Variants in SENP1 observed in about 807,000 individuals in gnomAD.
SENP1 encodes the protein sentrin-specific protease 1.
A neutral mutation model predicts 93.0 loss-of-function variants in SENP1; 21 were observed. The observed-to-expected ratio is 0.23, with a 90% CI of 0.16 to 0.33. The LOEUF is 0.33. Ranked by LOEUF, SENP1 falls within the 10% of genes least tolerant of loss-of-function variation. The pLI is 1.00. For missense variants in SENP1, 591 were observed against 758.7 expected, an observed-to-expected ratio of 0.78 and a Z score of 2.60; for synonymous variants, 256 against 259.6, an observed-to-expected ratio of 0.99 and a Z score of 0.13.
intron 1 of SENP1, among the ~76,000 whole-genome samples, chr12:48,102,757 C>A (rs913196125): frequency 6.7e-6 from 1 of 149,700 alleles, no homozygotes; most frequent in Admixed American, 6.7e-5. Context: ...GCGTACGAGA[C>A]CACGCCACTG....
chr12:48,088,470 A>G (rs1217195456), intron 5 of SENP1: 1 of 287,060 alleles, frequency 3.5e-6, no homozygotes, highest in East Asian at 1.0e-4. Flanking sequence ...GCTGTAAAAT[A>G]TGTTTCTTTC....
intron 10 of SENP1, among the ~76,000 whole-genome samples, chr12:48,066,238 G>A (rs940884583): frequency 2.4e-4 from 36 of 152,052 alleles, no homozygotes; most frequent in East Asian, 1.9e-4. Context: ...AAAAATTACC[G>A]AGACCGAGGG....
At chr12:48,062,536 C>G (rs2136940544) in intron 13 of SENP1, among the ~76,000 whole-genome samples, 1 of 152,262 alleles carries the variant, frequency 6.6e-6, no homozygotes, top group Non-Finnish European at 1.5e-5. Flanking sequence ...ATGGGGCTGG[C>G]CCCAGAGAAA....
chr12:48,065,482 A>C, intron 11 of SENP1, 114 bp downstream of exon 11: 1 of 700,650 alleles, frequency 1.4e-6, no homozygotes, highest in Non-Finnish European at 2.4e-6. Context: ...ATGCTATGCT[A>C]CCATACGATC....
intron 8 of SENP1, among the ~76,000 whole-genome samples, chr12:48,071,933 A>T (rs996057166): frequency 6.6e-6 from 1 of 152,180 alleles, no homozygotes; most frequent in Non-Finnish European, 1.5e-5. Flanking sequence ...CAAATAAGAA[A>T]ATCCCTGGGA....
chr12:48,081,039 A>T (rs1455898665), intron 6 of SENP1, among the ~76,000 whole-genome samples: 2 of 152,182 alleles, frequency 1.3e-5, no homozygotes, highest in Non-Finnish European at 2.9e-5. Flanking sequence ...TGAGTGGTCC[A>T]CAGAGCTGGT....
At chr12:48,067,186 T>C (rs1210480369) in intron 9 of SENP1, among the ~76,000 whole-genome samples, 1 of 152,154 alleles carries the variant, frequency 6.6e-6, no homozygotes, top group Non-Finnish European at 1.5e-5. Flanking sequence ...TGGATACATA[T>C]TAGTTAAAAA....
chr12:48,065,749 C>G, intron 10 of SENP1, 69 bp from the exon 11 acceptor site: 1 of 966,912 alleles, frequency 1.0e-6, no homozygotes, highest in East Asian at 2.6e-5. Flanking sequence ...TTGATGTACA[C>G]TGAATATTAA....
intron 6 of SENP1, 23 bp from the exon 7 acceptor site, chr12:48,074,816 A>C (rs1292033632): frequency 6.9e-7 from 1 of 1,449,602 alleles, no homozygotes; most frequent in Admixed American, 2.0e-5. Context: ...AAAAAAAAAA[A>C]ACAGTTTAAA....
Position 48,045,364 on chromosome 12 carries a change from C to G in SENP1, c.1893G>C (p.Arg631=). 6.2e-7 allele frequency: 1 copy of G among 1,613,708 alleles called. No individual in the cohort carries two copies. The highest frequency in any genetic ancestry group is 8.5e-7 in the Non-Finnish European group (1 of 1,179,748). The change falls in exon 18 of 18, where the codon CGG becomes CGC. Residue 631 remains arginine (R), a synonymous_variant. Transcript: ENST00000549518. The stretch of plus-strand genomic sequence containing the variant: ...GGAGGATCTCCCAGACCATCCGCTT[C>G]CGGAAGTATGGCATGTGTTGCTGTA... ...NFTQQHMPYF[R]KRMVWEILHR...
intron 6 of SENP1, among the ~76,000 whole-genome samples, chr12:48,079,914 T>C (rs1296564648): frequency 6.6e-6 from 1 of 152,196 alleles, no homozygotes; most frequent in Non-Finnish European, 1.5e-5. Context: ...GAGTCCCAAA[T>C]GCTTGACTTA....
chr12:48,103,086 T>C (rs1482083821), intron 1 of SENP1, among the ~76,000 whole-genome samples: 1 of 152,196 alleles, frequency 6.6e-6, no homozygotes, highest in Non-Finnish European at 1.5e-5. Context: ...CAACACTTTT[T>C]TGACATTTTA....
chr12:48,089,173 A>T (rs1299030713), intron 4 of SENP1: 1 of 1,537,752 alleles, frequency 6.5e-7, no homozygotes, highest in Middle Eastern at 1.7e-4. Context: ...CTGAAAATTG[A>T]TGAAGGAGCT....
At chr12:48,085,150 A>G (rs1565791767) in intron 5 of SENP1, 1 of 1,428,572 alleles carries the variant, frequency 7.0e-7, no homozygotes, top group African/African-American at 1.4e-5. Context: ...GAGCTTAACA[A>G]GAACTGCCAC....
At chr12:48,045,934 C>T (rs978347251) in intron 17 of SENP1, among the ~76,000 whole-genome samples, 5 of 152,260 alleles carry the variant, frequency 3.3e-5, no homozygotes, top group Admixed American at 2.6e-4. Context: ...AGAAGACTGA[C>T]CAGATTCATC....
chr12:48,094,489 G>T (rs1186825379), intron 4 of SENP1, among the ~76,000 whole-genome samples: 1 of 151,956 alleles, frequency 6.6e-6, no homozygotes, highest in African/African-American at 2.4e-5. Flanking sequence ...AGAACAACCT[G>T]GCCAACATGG....
At chr12:48,104,469 A>C (rs945870932) in intron 1 of SENP1, among the ~76,000 whole-genome samples, 2 of 152,098 alleles carry the variant, frequency 1.3e-5, no homozygotes, top group Non-Finnish European at 2.9e-5. Context: ...CTTTCCTTCT[A>C]TTTTTACATG....
Position 48,098,122 on chromosome 12 carries a change from C to T in SENP1, c.7G>A (p.Asp3Asn). 1.2e-6 allele frequency: 2 copies of T among 1,613,130 alleles called. No individual in the cohort carries two copies. The highest frequency in any genetic ancestry group is 1.7e-6 in the Non-Finnish European group (2 of 1,179,398). Reference sequence around the variant, plus strand: ...TCCATCCTCATCCTATCAGCAATATCATCTGGGGAGACAGTCTGGATTAGT... The same window carrying T: ...TCCATCCTCATCCTATCAGCAATATTATCTGGGGAGACAGTCTGGATTAGT... Reference protein sequence around the residue: MDDIADRMRMDAG... With the variant: MDNIADRMRMDAG... Residue 3 changes from aspartate (D) to asparagine (N), a missense_variant and splice_region_variant, in exon 3 of 18, where the codon GAT becomes AAT. Transcript: ENST00000549518.
At chr12:48,098,617 T>C (rs1354370572) in intron 2 of SENP1, among the ~76,000 whole-genome samples, 1 of 138,798 alleles carries the variant, frequency 7.2e-6, no homozygotes, top group Non-Finnish European at 1.5e-5. Flanking sequence ...CACTCCAGCC[T>C]GGGCAACAAG....
Sources: gnomAD v4.1 joint callset for allele counts (sites outside exome capture counted in the v4.1 genomes callset) on GRCh38, gnomAD v4.1.1 for gene constraint, MANE v1.5 for transcripts, NCBI Gene and HGNC (gene_info 2026-07-23, HGNC 2026-07-21) for gene names.